Variants in FNDC3B observed in about 807,000 individuals in gnomAD.
FNDC3B encodes the protein fibronectin type III domain-containing protein 3B.
In FNDC3B, 12 loss-of-function variants were observed where a neutral mutation model predicts 151.5. The ratio of observed to expected loss-of-function variants is 0.08; its 90% CI spans 0.05 to 0.13. The LOEUF is 0.13. Ranked by LOEUF, FNDC3B falls within the 10% of genes least tolerant of loss-of-function variation. The pLI is 1.00. For synonymous variants in FNDC3B, 528 were observed against 549.0 expected, an observed-to-expected ratio of 0.96 and a Z score of 0.54; for missense variants, 1,214 against 1,505.3, an observed-to-expected ratio of 0.81 and a Z score of 3.20.
intron 9 of FNDC3B, among the ~76,000 whole-genome samples, chr3:172,304,732 T>C (rs1412923027): frequency 6.6e-6 from 1 of 152,026 alleles, no homozygotes; most frequent in Non-Finnish European, 1.5e-5. Context: ...CCCCCATCTC[T>C]ACAAAAATAC....
intron 1 of FNDC3B, among the ~76,000 whole-genome samples, chr3:172,107,548 A>G (rs1167531911): frequency 6.6e-6 from 1 of 152,164 alleles, no homozygotes; most frequent in African/African-American, 2.4e-5. Context: ...GCTCAGATAC[A>G]CATCTGTCTA....
intron 19 of FNDC3B, 71 bp downstream of exon 19, chr3:172,344,329 GTC>G (rs1286659136): frequency 7.1e-7 from 1 of 1,406,974 alleles, no homozygotes; most frequent in Non-Finnish European, 9.6e-7. Flanking sequence ...TAGCACTTCT[GTC>G]TCTAGCCTCC....
intron 1 of FNDC3B, among the ~76,000 whole-genome samples, chr3:172,053,153 A>C (rs1716749396): frequency 6.6e-6 from 1 of 152,226 alleles, no homozygotes; most frequent in African/African-American, 2.4e-5. Context: ...TTAAAAAGTA[A>C]TTCTGGAAGA....
intron 4 of FNDC3B, among the ~76,000 whole-genome samples, chr3:172,240,392 T>C (rs1727435421): frequency 6.6e-6 from 1 of 152,224 alleles, no homozygotes; most frequent in East Asian, 1.9e-4. Flanking sequence ...GGTACTGTTC[T>C]AAGAACTTGA....
At chr3:172,314,234 TCTC>T (rs1456791624) in intron 11 of FNDC3B, among the ~76,000 whole-genome samples, 2 of 150,756 alleles carry the variant, frequency 1.3e-5, no homozygotes, top group African/African-American at 4.9e-5. Context: ...TCTCCCCTCC[TCTC>T]CTCTTCAAGG....
chr3:172,324,894 C>A (rs577091331), intron 11 of FNDC3B, among the ~76,000 whole-genome samples: 4 of 152,342 alleles, frequency 2.6e-5, no homozygotes, highest in South Asian at 4.1e-4. Context: ...AGGTTCTGAT[C>A]CTGACTGCTC....
intron 3 of FNDC3B, among the ~76,000 whole-genome samples, chr3:172,163,592 A>G (rs1354977496): frequency 1.1e-4 from 16 of 152,208 alleles, no homozygotes. Context: ...ATGGAAACAT[A>G]CTATATGTAT....
intron 2 of FNDC3B, among the ~76,000 whole-genome samples, chr3:172,115,204 G>A (rs1170007859): frequency 6.6e-6 from 1 of 152,092 alleles, no homozygotes; most frequent in Non-Finnish European, 1.5e-5. Flanking sequence ...CTTTCCTTTG[G>A]GTTCTAACAT....
At chr3:172,232,768 G>A (rs757450240) in intron 4 of FNDC3B, among the ~76,000 whole-genome samples, 2 of 152,198 alleles carry the variant, frequency 1.3e-5, no homozygotes, top group Non-Finnish European at 2.9e-5. Context: ...GAACATGGAC[G>A]TTACCTGGAG....
chr3:172,152,578 C>CTTTTTTT (rs10662326), intron 3 of FNDC3B, among the ~76,000 whole-genome samples: 8 of 125,802 alleles, frequency 6.4e-5, no homozygotes, highest in Non-Finnish European at 8.1e-5. Flanking sequence ...ATGGGAAGGG[C>CTTTTTTT]TTTTTTTTTT....
At chr3:172,134,532 G>A (rs1721266092) in intron 3 of FNDC3B, 1 of 395,710 alleles carries the variant, frequency 2.5e-6, no homozygotes. Context: ...AACAAACTGG[G>A]GGAAATGCCC....
At chr3:172,222,293 A>G (rs185554832) in intron 3 of FNDC3B, among the ~76,000 whole-genome samples, 32 of 152,368 alleles carry the variant, frequency 2.1e-4, no homozygotes, top group Admixed American at 1.4e-3. Flanking sequence ...GCCTGAAATT[A>G]TAGTATAATT....
At chr3:172,098,557 T>C (rs1719201957) in intron 1 of FNDC3B, among the ~76,000 whole-genome samples, 1 of 152,254 alleles carries the variant, frequency 6.6e-6, no homozygotes, top group Non-Finnish European at 1.5e-5. Flanking sequence ...GCACATTCAA[T>C]GTTAACACCT....
At chr3:172,351,167 A>C (rs1733833515) in intron 21 of FNDC3B, among the ~76,000 whole-genome samples, 1 of 152,242 alleles carries the variant, frequency 6.6e-6, no homozygotes, top group Non-Finnish European at 1.5e-5. Context: ...ACAGCAAAGA[A>C]GGGAAATAGG....
chr3:172,193,460 T>C (rs185128026), intron 3 of FNDC3B, among the ~76,000 whole-genome samples: 48 of 150,476 alleles, frequency 3.2e-4, no homozygotes, highest in African/African-American at 1.1e-3. Flanking sequence ...TATTACTCAA[T>C]TTTTAGTAGA....
chr3:172,094,960 C>G (rs1719025466), intron 1 of FNDC3B, among the ~76,000 whole-genome samples: 1 of 151,882 alleles, frequency 6.6e-6, no homozygotes, highest in African/African-American at 2.4e-5. Flanking sequence ...AGTGACTTGA[C>G]TAGTTCCTGA....
chr3:172,109,137 T>C (rs1311788999), intron 1 of FNDC3B, among the ~76,000 whole-genome samples: 2 of 151,408 alleles, frequency 1.3e-5, no homozygotes, highest in African/African-American at 2.4e-5. Flanking sequence ...GTGAAACTGT[T>C]AGGGATTACA....
intron 1 of FNDC3B, among the ~76,000 whole-genome samples, chr3:172,110,925 C>T (rs1394019270): frequency 1.3e-5 from 2 of 151,906 alleles, no homozygotes; most frequent in African/African-American, 2.4e-5. Flanking sequence ...ATGGCGAAAC[C>T]CTGTCTCTAC....
intron 11 of FNDC3B, among the ~76,000 whole-genome samples, chr3:172,322,672 TTAA>T (rs1357995465): frequency 6.6e-6 from 1 of 152,218 alleles, no homozygotes; most frequent in African/African-American, 2.4e-5. Flanking sequence ...GTCATATACT[TTAA>T]AAGTACAACG....
Sources: gnomAD v4.1 joint callset for allele counts (sites outside exome capture counted in the v4.1 genomes callset) on GRCh38, gnomAD v4.1.1 for gene constraint, MANE v1.5 for transcripts, NCBI Gene and HGNC (gene_info 2026-07-23, HGNC 2026-07-21) for gene names.